SIPA1L1: variants seen among roughly 807,000 people sequenced by gnomAD.
The protein encoded by SIPA1L1 is signal-induced proliferation-associated 1-like protein 1.
Under a neutral mutation model 162.7 loss-of-function variants are expected in SIPA1L1, and 26 were observed. The observed-to-expected ratio is 0.16, with a 90% confidence interval of 0.12 to 0.22. The LOEUF (loss-of-function observed/expected upper bound fraction) is 0.22, where lower values mean the gene tolerates loss of function less well. Among genes scored for constraint, SIPA1L1 ranks in the 10% least tolerant of loss-of-function variants. SIPA1L1 has a pLI of 1.00. For synonymous variants in SIPA1L1, 829 were observed against 837.4 expected, an observed-to-expected ratio of 0.99 and a Z score of 0.17; for missense variants, 1,874 against 2,241.0, an observed-to-expected ratio of 0.84 and a Z score of 3.31.
rs1429937640 is a variant in SIPA1L1, at chr14:71,377,765, A to G, written c.-465+56584A>G. ...CGAGGCGGGCAGATCACCCGAGTTC[A>G]GGAGCTGGAGACCAGTCCGGCCAAC... On this transcript the variant is annotated intron_variant, in intron 2 of 23. Transcript: ENST00000381232. This position sits in a 1 kb window ranked among gnomAD's most constrained non-coding sequence, Gnocchi z 4.8. Among the ~76,000 whole-genome samples the G allele has an allele frequency of 1.3e-5, 2 of 152,254 alleles. No individual in the cohort carries two copies. The highest frequency in any genetic ancestry group is 4.8e-5 in the African/African-American group (2 of 41,470).
At chr14:71,492,090 A>G (rs1336381473) in intron 2 of SIPA1L1, among the ~76,000 whole-genome samples, 2 of 152,136 alleles carry the variant, frequency 1.3e-5, no homozygotes, top group Non-Finnish European at 2.9e-5. Flanking sequence ...CTTGACAACA[A>G]GGTCTTTGTT....
chr14:71,491,813 C>CACACACACACACACACACACA (rs1555437273), intron 2 of SIPA1L1, among the ~76,000 whole-genome samples: 2 of 147,790 alleles, frequency 1.4e-5, no homozygotes, highest in Admixed American at 6.8e-5. Flanking sequence ...CACACACACA[C>CACACACACACACACACACACA]CCCTTCCCCC....
intron 2 of SIPA1L1, among the ~76,000 whole-genome samples, chr14:71,359,987 G>T (rs890757992): frequency 2.6e-5 from 4 of 152,198 alleles, no homozygotes; most frequent in Admixed American, 6.5e-5. Context: ...TTGAGTTTCA[G>T]GGTATGAGGG....
In SIPA1L1 at chr14:71,342,131, G is replaced by A. The variant is rs761034475; in HGVS notation, c.-465+20950G>A. ...TGATTCTCCCATTTCAGCCTCCCGA[G>A]TAGCTAGAACTGTTGTTGTGCCCCA... is the stretch of plus-strand genomic sequence containing the variant. On this transcript the variant is annotated intron_variant, in intron 2 of 23. Coordinates refer to ENST00000381232, the MANE Select transcript of SIPA1L1 (RefSeq NM_001386936.1). Among the ~76,000 whole-genome samples, 11 of 152,188 alleles carry A rather than the reference G, an allele frequency of 7.2e-5. 1 individual carries two copies. The highest frequency in any genetic ancestry group is 6.8e-3 in the Middle Eastern group (2 of 294).
Position 71,739,190 on chromosome 14 carries a change from C to T in SIPA1L1, c.*29C>T. On this transcript the variant is annotated 3_prime_UTR_variant, in exon 24 of 24. Transcript: ENST00000381232. The stretch of plus-strand genomic sequence containing the variant: ...AGGCTGAGGAGGACAGGAGAAGGGC[C>T]CAGACACTCCCTCCAGTGAGTGTCC... 1 of 1,589,728 alleles carries T rather than the reference C, an allele frequency of 6.3e-7. No homozygotes were observed. Among genetic ancestry groups the T allele is most frequent in the Non-Finnish European group, 8.6e-7 (1 of 1,165,574 alleles).
At chr14:71,450,444 A>C (rs2045730295) in intron 2 of SIPA1L1, among the ~76,000 whole-genome samples, 1 of 152,234 alleles carries the variant, frequency 6.6e-6, no homozygotes, top group Non-Finnish European at 1.5e-5. Flanking sequence ...TGGGTAGCCA[A>C]ACTTTCTATA....
intron 2 of SIPA1L1, among the ~76,000 whole-genome samples, chr14:71,430,179 G>A: frequency 6.6e-6 from 1 of 152,112 alleles, no homozygotes; most frequent in Non-Finnish European, 1.5e-5. Context: ...GCAGAAATAG[G>A]CACACCACCT....
chr14:71,343,201 A>T (rs1013388009), intron 2 of SIPA1L1, among the ~76,000 whole-genome samples: 1 of 152,154 alleles, frequency 6.6e-6, no homozygotes, highest in African/African-American at 2.4e-5. Context: ...CTATAACCAC[A>T]ATAATCCAAC....
chr14:71,513,813 G>A (rs531034502), intron 3 of SIPA1L1, among the ~76,000 whole-genome samples: 1 of 152,256 alleles, frequency 6.6e-6, no homozygotes, highest in South Asian at 2.1e-4. Context: ...AAAGAAATTG[G>A]CGAGTAAGCC....
intron 4 of SIPA1L1, among the ~76,000 whole-genome samples, chr14:71,532,899 G>GT (rs2053569399): frequency 6.6e-6 from 1 of 152,116 alleles, no homozygotes; most frequent in South Asian, 2.1e-4. Flanking sequence ...TCCAGCTCCC[G>GT]TTTATTTCTC....
chr14:71,658,504 G>A, intron 9 of SIPA1L1, 68 bp downstream of exon 9: 1 of 1,042,030 alleles, frequency 9.6e-7, no homozygotes, highest in African/African-American at 1.6e-5. Flanking sequence ...TAAGTGGCAA[G>A]TTTGTAAAAT....
intron 7 of SIPA1L1, among the ~76,000 whole-genome samples, chr14:71,626,541 T>G (rs1226034653): frequency 1.3e-5 from 2 of 152,352 alleles, no homozygotes; most frequent in East Asian, 3.9e-4. Flanking sequence ...ACTGATTATT[T>G]TGGTGCCTTT....
chr14:71,537,640 T>G (rs2054019271), intron 4 of SIPA1L1, among the ~76,000 whole-genome samples: 2 of 152,200 alleles, frequency 1.3e-5, no homozygotes, highest in Non-Finnish European at 2.9e-5. Context: ...ATTCCTTCAG[T>G]GTGGGCGAGT....
At position 71,588,921 on chromosome 14, in the gene SIPA1L1, G is replaced by A; in HGVS notation, c.1049G>A (p.Arg350Lys). Residue 350 changes from arginine to lysine, a missense_variant, in exon 5 of 24, where the codon AGG (arginine) becomes AAG (lysine). Transcript: ENST00000381232. The surrounding 1 kb of genome is among the most constrained non-coding windows in gnomAD (Gnocchi z 4.3). ...GATTTGAATGAGGCAATTATGAACA[G>A]GCACAATGTTATTAAGAGGAGAAAC... ...LFDLNEAIMN[R>K]HNVIKRRNTT... 6.2e-7 allele frequency: 1 copy of A among 1,614,082 alleles called. No homozygotes were observed. The highest frequency in any genetic ancestry group is 8.5e-7 in the Non-Finnish European group (1 of 1,179,982).
intron 2 of SIPA1L1, among the ~76,000 whole-genome samples, chr14:71,325,868 G>T (rs1450217415): frequency 6.6e-6 from 1 of 152,190 alleles, no homozygotes; most frequent in Non-Finnish European, 1.5e-5. Context: ...ATTGCGGGAA[G>T]CAGGCAATTA....
chr14:71,407,181 A>G (rs1269885960), intron 2 of SIPA1L1, among the ~76,000 whole-genome samples: 2 of 152,180 alleles, frequency 1.3e-5, no homozygotes, highest in Admixed American at 6.5e-5. Flanking sequence ...AGGTGGAAGA[A>G]AGTAACTAAA....
At chr14:71,374,981 T>G (rs1238602387) in intron 2 of SIPA1L1, among the ~76,000 whole-genome samples, 1 of 152,198 alleles carries the variant, frequency 6.6e-6, no homozygotes, top group Non-Finnish European at 1.5e-5. Context: ...CTCCAACTGT[T>G]TCTCCAATAG....
chr14:71,466,074 C>A (rs1028743520), intron 2 of SIPA1L1, among the ~76,000 whole-genome samples: 4 of 152,190 alleles, frequency 2.6e-5, no homozygotes, highest in Non-Finnish European at 5.9e-5. Flanking sequence ...ATCAATACTT[C>A]ACATCCTTCA....
At chr14:71,454,994 T>G (rs1323145734) in intron 2 of SIPA1L1, among the ~76,000 whole-genome samples, 1 of 152,222 alleles carries the variant, frequency 6.6e-6, no homozygotes, top group Non-Finnish European at 1.5e-5. Context: ...TATTGCCTTA[T>G]TAATATTTGA....
Sources: allele counts gnomAD v4.1 joint callset (sites outside exome capture counted in the v4.1 genomes callset), GRCh38; gene constraint gnomAD v4.1.1; non-coding constraint Gnocchi (gnomAD v3.1); transcripts MANE v1.5; gene names NCBI Gene and HGNC (gene_info 2026-07-23, HGNC 2026-07-21).